The following CRB1 variants were observed in gnomAD, a reference collection of about 807,000 sequenced individuals.
The protein encoded by CRB1 is crumbs cell polarity complex component 1.
In CRB1, 83 loss-of-function variants were observed where a neutral mutation model predicts 120.0. The observed-to-expected ratio is 0.69, with a 90% confidence interval of 0.58 to 0.83. The LOEUF (loss-of-function observed/expected upper bound fraction) is 0.83, where lower values mean the gene tolerates loss of function less well. CRB1 is among the 40% of genes least tolerant of loss of function. CRB1 has a pLI of 0.00. For synonymous variants in CRB1, 625 were observed against 612.5 expected (o/e 1.02, Z -0.30); for missense variants, 1,699 against 1,687.6 (o/e 1.01, Z -0.12).
At chr1:197,399,265 C>G (rs1175567139) in intron 5 of CRB1, among the ~76,000 whole-genome samples, 2 of 152,246 alleles carry the variant, frequency 1.3e-5, no homozygotes, top group Non-Finnish European at 2.9e-5. Flanking sequence ...TACTTTAATG[C>G]AACTGTTGAT....
intron 5 of CRB1, among the ~76,000 whole-genome samples, chr1:197,409,211 A>G (rs756563448): frequency 2.0e-4 from 31 of 152,234 alleles, no homozygotes; most frequent in Admixed American, 2.6e-4. Context: ...AAACAATTCC[A>G]TGCTATACGC....
Position 197,421,578 on chromosome 1 carries a change from G to A in CRB1, c.1750G>A (p.Asp584Asn), listed in dbSNP as rs1664322968. The A allele has an allele frequency of 1.9e-6, 3 of 1,614,164 alleles. No individual in the cohort carries two copies. Among genetic ancestry groups the A allele is most frequent in the African/African-American group, 1.3e-5 (1 of 75,012 alleles). ...FAEAVTLTLI[D>N]DSCKEKCIAK... The stretch of plus-strand genomic sequence containing the variant: ...AGAGGCTGTGACCCTTACCTTAATC[G>A]ACGACTCCTGTAAGGAGAAATGCAT... The change falls in exon 6 of 12, where the codon GAC becomes AAC. Residue 584 changes from aspartate to asparagine, a missense_variant. Transcript: ENST00000367400.
chr1:197,344,218 T>A, intron 2 of CRB1, 63 bp from the exon 3 acceptor site: 1 of 1,495,650 alleles, frequency 6.7e-7, no homozygotes, highest in Non-Finnish European at 9.3e-7. Context: ...ATTGTCAAAT[T>A]GCTAAATTAT....
chr1:197,438,475 AT>A (rs1377574682), intron 9 of CRB1, 71 bp from the exon 10 acceptor site: 7 of 1,587,940 alleles, frequency 4.4e-6, no homozygotes, highest in Non-Finnish European at 6.0e-6. Flanking sequence ...ACATACATGA[AT>A]TTATCAGAAA....
rs78178541 is a variant in CRB1, at chr1:197,334,646, C to T, written c.652+5643C>T. 6.2e-4 allele frequency among the ~76,000 whole-genome samples: 95 copies of T among 152,278 alleles called. No homozygotes were observed. The East Asian group carries it at 0.017, about 27-fold the overall frequency. On this transcript the variant is annotated intron_variant, in intron 2 of 11. Coordinates refer to ENST00000367400, the MANE Select transcript of CRB1 (RefSeq NM_201253.3). ...GTCTTGAACTTTTAAACATCCGGAGCTAAGAGAAATAAATTTCTGTTCTTT... is the reference window on the plus strand; with the variant it reads ...GTCTTGAACTTTTAAACATCCGGAGTTAAGAGAAATAAATTTCTGTTCTTT...
At chr1:197,364,623 G>A (rs1057419952) in intron 5 of CRB1, among the ~76,000 whole-genome samples, 13 of 151,508 alleles carry the variant, frequency 8.6e-5, no homozygotes, top group African/African-American at 3.2e-4. Context: ...AAATTCTTTT[G>A]ATCTGTACTC....
At chr1:197,400,160 CA>C (rs1167189835) in intron 5 of CRB1, among the ~76,000 whole-genome samples, 29 of 152,202 alleles carry the variant, frequency 1.9e-4, no homozygotes, top group African/African-American at 6.5e-4. Flanking sequence ...GGCAAGTGCT[CA>C]AACAGCTATT....
intron 5 of CRB1, among the ~76,000 whole-genome samples, chr1:197,416,124 T>C (rs955562943): frequency 6.6e-6 from 1 of 152,228 alleles, no homozygotes; most frequent in Non-Finnish European, 1.5e-5. Flanking sequence ...CAGTATTGTC[T>C]TGACTTGCAC....
In CRB1 at chr1:197,403,216, G is replaced by A. The variant is rs1007213928; in HGVS notation, c.1172-17784G>A. Among the ~76,000 whole-genome samples the A allele has an allele frequency of 1.1e-4, 16 of 152,296 alleles. No homozygotes were observed. In the East Asian group the frequency reaches 1.5e-3, roughly 15 times the overall value. On this transcript the variant is annotated intron_variant, in intron 5 of 11. Coordinates refer to ENST00000367400, the MANE Select transcript of CRB1 (RefSeq NM_201253.3). ...GTATAGATACTCAAACACACAACAT[G>A]TGTCTGTCCAATCATCATGTATTCC...
intron 1 of CRB1, among the ~76,000 whole-genome samples, chr1:197,326,591 A>C (rs1658504425): frequency 6.6e-6 from 1 of 152,090 alleles, no homozygotes; most frequent in Non-Finnish European, 1.5e-5. Flanking sequence ...AGATCATGCT[A>C]CTGTACTCCA....
chr1:197,462,247 C>T (rs1666564749), intron 11 of CRB1, among the ~76,000 whole-genome samples: 1 of 152,052 alleles, frequency 6.6e-6, no homozygotes, highest in South Asian at 2.1e-4. Context: ...TATTACCATC[C>T]TCATCAATTG....
At chr1:197,387,417 C>T (rs1662273066) in intron 5 of CRB1, among the ~76,000 whole-genome samples, 1 of 152,026 alleles carries the variant, frequency 6.6e-6, no homozygotes, top group Non-Finnish European at 1.5e-5. Flanking sequence ...TGCCATTTGT[C>T]TTTGGTAATT....
chr1:197,413,148 C>T lies in CRB1; in HGVS notation c.1172-7852C>T, dbSNP rs114151717. Among the ~76,000 whole-genome samples, 644 of 152,254 alleles carry T rather than the reference C, an allele frequency of 4.2e-3. 4 individuals are homozygous for T. The highest frequency in any genetic ancestry group is 0.014 in the African/African-American group (562 of 41,558). On this transcript the variant is annotated intron_variant, in intron 5 of 11. Transcript: ENST00000367400. ...AGCTTATACTGCCTATGTGAAACCT[C>T]TCTAGGTCCTCAGGTTCCCCTTTAA... is the stretch of plus-strand genomic sequence containing the variant.
chr1:197,351,136 G>A (rs893284622), intron 4 of CRB1, among the ~76,000 whole-genome samples: 7 of 141,986 alleles, frequency 4.9e-5, no homozygotes, highest in African/African-American at 1.0e-4. Context: ...GAGGTCAGGA[G>A]TTTGAGACCA....
intron 11 of CRB1, among the ~76,000 whole-genome samples, chr1:197,459,588 C>A (rs955550012): frequency 6.6e-6 from 1 of 152,078 alleles, no homozygotes; most frequent in Admixed American, 6.6e-5. Context: ...GAAGGCTCTA[C>A]CCTCATGACC....
At chr1:197,363,618 G>T (rs1660900215) in intron 5 of CRB1, among the ~76,000 whole-genome samples, 1 of 152,074 alleles carries the variant, frequency 6.6e-6, no homozygotes, top group Non-Finnish European at 1.5e-5. Flanking sequence ...AGGCCGGCTC[G>T]GCAGGAAGGC....
At chr1:197,444,002 G>T (rs1050755913) in intron 11 of CRB1, 1 of 152,164 alleles carries the variant, frequency 6.6e-6, no homozygotes, top group South Asian at 2.1e-4. Context: ...GTAAATATAC[G>T]TCTATGACTT....
At chr1:197,303,272 TCCCTCCC>T (rs1222062941) in intron 1 of CRB1, among the ~76,000 whole-genome samples, 2 of 105,880 alleles carry the variant, frequency 1.9e-5, no homozygotes, top group Non-Finnish European at 3.8e-5. Flanking sequence ...CCTAATGCTA[TCCCTCCC>T]CCCTCCCCCC....
intron 3 of CRB1, among the ~76,000 whole-genome samples, chr1:197,346,543 T>A (rs948454897): frequency 6.6e-6 from 1 of 152,216 alleles, no homozygotes; most frequent in African/African-American, 2.4e-5. Flanking sequence ...CACACAGCCA[T>A]AGCGAAGAGG....
Sources: allele counts gnomAD v4.1 joint callset (sites outside exome capture counted in the v4.1 genomes callset), GRCh38; gene constraint gnomAD v4.1.1; transcripts MANE v1.5; gene names NCBI Gene and HGNC (gene_info 2026-07-23, HGNC 2026-07-21).